Variants in LRP1B observed in about 807,000 individuals in gnomAD.
The protein encoded by LRP1B is low-density lipoprotein receptor-related protein 1B.
Under a neutral mutation model 556.6 loss-of-function variants are expected in LRP1B, and 217 were observed. The observed-to-expected ratio is 0.39, with a 90% CI of 0.35 to 0.44. The LOEUF (loss-of-function observed/expected upper bound fraction) is 0.44, where lower values mean the gene tolerates loss of function less well. LRP1B is among the 20% of genes least tolerant of loss of function. LRP1B has a pLI of 1.00. For missense variants in LRP1B, 5,053 were observed against 5,620.8 expected (o/e 0.90, Z 3.23); for synonymous variants, 2,047 against 1,865.8 (o/e 1.10, Z -2.50).
intron 2 of LRP1B, among the ~76,000 whole-genome samples, chr2:141,589,923 GAAT>G (rs1294819633): frequency 2.6e-5 from 4 of 152,138 alleles, no homozygotes; most frequent in African/African-American, 4.8e-5. Flanking sequence ...TTATTAAAAT[GAAT>G]AATATTTTTT....
chr2:141,937,631 G>A (rs1335185118), intron 1 of LRP1B, among the ~76,000 whole-genome samples: 1 of 150,444 alleles, frequency 6.6e-6, no homozygotes, highest in Non-Finnish European at 1.5e-5. Flanking sequence ...TTATATTAAA[G>A]TGCAAGGATA....
intron 15 of LRP1B, 38 bp downstream of exon 15, chr2:141,005,297 C>A (rs761901243): frequency 3.1e-6 from 5 of 1,599,632 alleles, no homozygotes; most frequent in Non-Finnish European, 4.3e-6. Flanking sequence ...TCAGAAAGAG[C>A]CCGATAAACA....
intron 43 of LRP1B, among the ~76,000 whole-genome samples, chr2:140,594,047 G>A (rs529221976): frequency 9.9e-5 from 15 of 151,678 alleles, no homozygotes; most frequent in African/African-American, 1.7e-4. Context: ...ACATGATGTC[G>A]GCTTACTGCA....
rs372642007 is a variant in LRP1B at position 140,851,116 on chromosome 2, T to G, written c.4711+536A>C. On this transcript the variant is annotated intron_variant, in intron 28 of 90. Coordinates refer to ENST00000389484, the MANE Select transcript of LRP1B (RefSeq NM_018557.3). Reference sequence around the variant, plus strand: ...AATTATTAATAGAAAGCAAAAAATTTTATTCACAAAATTTATCTTTTTTAG... The same window carrying G: ...AATTATTAATAGAAAGCAAAAAATTGTATTCACAAAATTTATCTTTTTTAG... Among the ~76,000 whole-genome samples, 768 of 152,282 alleles carry G rather than the reference T, an allele frequency of 5.0e-3. 10 individuals carry two copies. Among genetic ancestry groups the G allele is most frequent in the Middle Eastern group, 0.014 (4 of 294 alleles).
At chr2:140,866,456 A>AG (rs1231076577) in intron 27 of LRP1B, among the ~76,000 whole-genome samples, 1 of 151,796 alleles carries the variant, frequency 6.6e-6, no homozygotes, top group Admixed American at 6.6e-5. Context: ...TTAGCTTATA[A>AG]GGTGAAAGAA....
At chr2:140,675,373 T>C (rs772858645) in intron 41 of LRP1B, among the ~76,000 whole-genome samples, 1 of 152,198 alleles carries the variant, frequency 6.6e-6, no homozygotes, top group Non-Finnish European at 1.5e-5. Flanking sequence ...AACATGCATT[T>C]TAAGTTAATT....
chr2:142,107,599 T>C (rs1574692316), intron 1 of LRP1B, among the ~76,000 whole-genome samples: 1 of 149,480 alleles, frequency 6.7e-6, no homozygotes, highest in East Asian at 2.0e-4. Flanking sequence ...CTGTCTCATA[T>C]AGGCATTCAA....
At chr2:141,224,551 T>C (rs927298174) in intron 6 of LRP1B, among the ~76,000 whole-genome samples, 1 of 152,026 alleles carries the variant, frequency 6.6e-6, no homozygotes, top group African/African-American at 2.4e-5. Flanking sequence ...ATTTCAGCAC[T>C]ATTCGACATG....
chr2:141,552,982 C>T (rs560245343), intron 2 of LRP1B, among the ~76,000 whole-genome samples: 1 of 151,666 alleles, frequency 6.6e-6, no homozygotes, highest in Non-Finnish European at 1.5e-5. Flanking sequence ...GTAGAAGAAA[C>T]AATATGGAGA....
intron 35 of LRP1B, among the ~76,000 whole-genome samples, chr2:140,753,745 G>T (rs1003033122): frequency 6.6e-6 from 1 of 152,110 alleles, no homozygotes; most frequent in Non-Finnish European, 1.5e-5. Flanking sequence ...GACAGGAGTG[G>T]CCAAGAAACT....
At chr2:141,873,545 AT>A (rs1698658258) in intron 1 of LRP1B, among the ~76,000 whole-genome samples, 1 of 152,022 alleles carries the variant, frequency 6.6e-6, no homozygotes, top group Non-Finnish European at 1.5e-5. Context: ...GTATGACTTC[AT>A]AATTAGAAAA....
intron 7 of LRP1B, among the ~76,000 whole-genome samples, chr2:141,114,108 C>A (rs536083046): frequency 6.6e-6 from 1 of 152,196 alleles, no homozygotes; most frequent in East Asian, 1.9e-4. Flanking sequence ...GGGTGTGGCT[C>A]GTTTGCTCGG....
intron 3 of LRP1B, among the ~76,000 whole-genome samples, chr2:141,424,262 C>T (rs540578406): frequency 6.6e-6 from 1 of 151,954 alleles, no homozygotes; most frequent in African/African-American, 2.4e-5. Flanking sequence ...TACAGGCATG[C>T]GCCACCACGC....
rs1694364520 is a variant in LRP1B at position 141,757,474 on chromosome 2, AAAT to A, written c.205+52802_205+52804del. 2.6e-5 allele frequency among the ~76,000 whole-genome samples: 4 copies of A among 152,188 alleles called. No individual in the cohort carries two copies. In the South Asian group the frequency reaches 6.2e-4, roughly 24 times the overall value. ...TTGAGTAATACAAAATGAGAGGAAG[AAAT>A]AATGATGATAATAAATAAAATTTAA... On this transcript the variant is annotated intron_variant, in intron 2 of 90. Transcript: ENST00000389484.
intron 1 of LRP1B, among the ~76,000 whole-genome samples, chr2:142,033,073 A>G (rs953917377): frequency 3.9e-5 from 6 of 151,914 alleles, no homozygotes; most frequent in Admixed American, 1.3e-4. Flanking sequence ...TTAAGGGAGT[A>G]TAAGAATCTC....
At chr2:140,835,594 A>G (rs957282144) in intron 31 of LRP1B, among the ~76,000 whole-genome samples, 24 of 152,074 alleles carry the variant, frequency 1.6e-4, no homozygotes, top group African/African-American at 5.3e-4. Context: ...CTGGAGTGCA[A>G]TGGCACGACT....
intron 3 of LRP1B, among the ~76,000 whole-genome samples, chr2:141,407,110 A>C (rs1433249934): frequency 1.4e-5 from 2 of 141,820 alleles, no homozygotes; most frequent in African/African-American, 5.3e-5. Flanking sequence ...GAAGAAGCAC[A>C]TACTTTTTGG....
chr2:141,465,815 G>T (rs922771087), intron 3 of LRP1B, among the ~76,000 whole-genome samples: 1 of 152,046 alleles, frequency 6.6e-6, no homozygotes, highest in Non-Finnish European at 1.5e-5. Context: ...CAAAGTGCTG[G>T]GATTACAGGT....
chr2:140,908,236 G>T (rs1322961887), intron 21 of LRP1B, among the ~76,000 whole-genome samples, 159 bp from the exon 22 acceptor site: 2 of 151,524 alleles, frequency 1.3e-5, no homozygotes, highest in African/African-American at 4.8e-5. Context: ...TTTCATGACA[G>T]CATTTGAATA....
Sources: allele counts gnomAD v4.1 joint callset (sites outside exome capture counted in the v4.1 genomes callset), GRCh38; gene constraint gnomAD v4.1.1; transcripts MANE v1.5; gene names NCBI Gene and HGNC (gene_info 2026-07-23, HGNC 2026-07-21).